GMPR: variants seen among roughly 807,000 people sequenced by gnomAD.
The protein encoded by GMPR is guanosine monophosphate reductase.
In GMPR, 31 loss-of-function variants were observed where a neutral mutation model predicts 38.4. The ratio of observed to expected loss-of-function variants is 0.81; its 90% confidence interval spans 0.61 to 1.09. GMPR has a LOEUF of 1.09. Among genes scored for constraint, GMPR ranks in the 50% least tolerant of loss-of-function variants. The probability of loss-of-function intolerance (pLI) is 0.00; values close to 1 mark genes in which losing one functional copy is unlikely to be tolerated. For missense variants in GMPR, 468 were observed against 453.7 expected, an observed-to-expected ratio of 1.03 and a Z score of -0.29; for synonymous variants, 162 against 173.3, an observed-to-expected ratio of 0.93 and a Z score of 0.51.
At chr6:16,246,820 T>C in intron 1 of GMPR, 22 bp from the exon 2 acceptor site, 3 of 1,606,252 alleles carry the variant, frequency 1.9e-6, no homozygotes, top group Non-Finnish European at 2.5e-6. Context: ...TCCCTTTTTC[T>C]TTCTTTTTTT....
intron 4 of GMPR, among the ~76,000 whole-genome samples, chr6:16,266,959 C>T (rs527742718): frequency 2.8e-4 from 42 of 151,938 alleles, no homozygotes; most frequent in African/African-American, 9.4e-4. Flanking sequence ...CTCCTGAAGT[C>T]GGCGTAGACC....
chr6:16,288,714 G>A (rs756791651), intron 7 of GMPR, among the ~76,000 whole-genome samples: 5 of 152,228 alleles, frequency 3.3e-5, no homozygotes, highest in Admixed American at 2.6e-4. Flanking sequence ...AGCCAGCTGG[G>A]CTCCTCAGTC....
intron 2 of GMPR, 102 bp from the exon 3 acceptor site, chr6:16,250,182 A>T (rs1191563951): frequency 2.7e-6 from 2 of 747,570 alleles, no homozygotes; most frequent in Non-Finnish European, 5.0e-6. Flanking sequence ...GGATGGCAGG[A>T]ACACTGATGC....
At chr6:16,266,679 C>T (rs182657527) in intron 4 of GMPR, among the ~76,000 whole-genome samples, 45 of 151,532 alleles carry the variant, frequency 3.0e-4, no homozygotes, top group Admixed American at 6.6e-4. Flanking sequence ...GGCGCAGTGG[C>T]GGGCGCCTGT....
At chr6:16,242,150 G>C (rs1758661308) in intron 1 of GMPR, among the ~76,000 whole-genome samples, 1 of 152,184 alleles carries the variant, frequency 6.6e-6, no homozygotes, top group South Asian at 2.1e-4. Flanking sequence ...GGACAGAGAA[G>C]ACACAACAGA....
intron 5 of GMPR, among the ~76,000 whole-genome samples, chr6:16,275,270 G>T (rs1759453379): frequency 6.6e-6 from 1 of 152,148 alleles, no homozygotes; most frequent in Admixed American, 6.5e-5. Context: ...AAACAGCAAA[G>T]ATTTTTCAAA....
chr6:16,268,866 A>G, intron 4 of GMPR, among the ~76,000 whole-genome samples: 1 of 151,886 alleles, frequency 6.6e-6, no homozygotes, highest in South Asian at 2.1e-4. Context: ...TTTACTAACA[A>G]ATTTTATATT....
chr6:16,262,475 G>A (rs932462030), intron 4 of GMPR: 8 of 152,150 alleles, frequency 5.3e-5, no homozygotes, highest in African/African-American at 1.4e-4. Context: ...TGGGGGAGGA[G>A]GTTCTGGAGG....
At chr6:16,239,252 C>T (rs1758597328) in intron 1 of GMPR, among the ~76,000 whole-genome samples, 1 of 152,280 alleles carries the variant, frequency 6.6e-6, no homozygotes, top group East Asian at 1.9e-4. Context: ...TCTGAAAAAC[C>T]AGAACCCAGG....
At chr6:16,293,010 GTC>G (rs1759867788) in intron 8 of GMPR, among the ~76,000 whole-genome samples, 1 of 148,806 alleles carries the variant, frequency 6.7e-6, no homozygotes. Flanking sequence ...TCTTACCTCT[GTC>G]TGAGTCTCTC....
In GMPR at chr6:16,246,885, C is replaced by T; in HGVS notation, c.131C>T (p.Thr44Ile). 1 of 1,613,286 alleles carries T rather than the reference C, an allele frequency of 6.2e-7. No homozygotes were observed. Among genetic ancestry groups the T allele is most frequent in the Non-Finnish European group, 8.5e-7 (1 of 1,179,340 alleles). ...TTCACGTTTCGAAATTCAAAGCAGA[C>T]CTACTCAGGGATTCCCATCATCGTG... ...RTFTFRNSKQ[T>I]YSGIPIIVAN... is the part of the protein sequence containing the mutation. Residue 44 changes from threonine (T) to isoleucine (I), a missense_variant, in exon 2 of 9, where the codon ACC (threonine) becomes ATC (isoleucine). Thr to Ile is a moderately conservative substitution (Grantham distance 89, BLOSUM62 -1). Coordinates refer to ENST00000259727, the MANE Select transcript of GMPR (RefSeq NM_006877.4).
At chr6:16,240,871 C>T (rs1355001820) in intron 1 of GMPR, among the ~76,000 whole-genome samples, 1 of 152,100 alleles carries the variant, frequency 6.6e-6, no homozygotes, top group Non-Finnish European at 1.5e-5. Context: ...CCTGGAGACT[C>T]AGGTTAACCA....
chr6:16,262,102 G>A (rs957927222), intron 4 of GMPR: 1 of 151,872 alleles, frequency 6.6e-6, no homozygotes, highest in African/African-American at 2.4e-5. Flanking sequence ...ATGGAGGCAA[G>A]GGAAACAGGC....
At chr6:16,259,899 C>G (rs1759048153) in intron 4 of GMPR, among the ~76,000 whole-genome samples, 1 of 152,100 alleles carries the variant, frequency 6.6e-6, no homozygotes, top group African/African-American at 2.4e-5. Flanking sequence ...CTTGGAGAAA[C>G]AGTGTAAACC....
At chr6:16,266,158 CCATCTTTAAGAGCTGTAACACTT>C (rs1174597778) in intron 4 of GMPR, among the ~76,000 whole-genome samples, 40 of 123,882 alleles carry the variant, frequency 3.2e-4, no homozygotes, top group African/African-American at 1.7e-3. Flanking sequence ...GTAACACTTG[CCATCTTTAAGAGCTGTAACACTT>C]GCCATCTTTA....
At chr6:16,266,130 TTGCCATCTTTAAGAGCTGTAAC>T (rs1561826934) in intron 4 of GMPR, among the ~76,000 whole-genome samples, 4 of 46,864 alleles carry the variant, frequency 8.5e-5, no homozygotes, top group African/African-American at 3.0e-4. Context: ...GCTGTAACAC[TTGCCATCTTTAAGAGCTGTAAC>T]ACTTGCCATC....
At chr6:16,259,457 TAAAAC>T (rs1419856053) in intron 4 of GMPR, 3 of 151,776 alleles carry the variant, frequency 2.0e-5, no homozygotes, top group South Asian at 2.1e-4. Flanking sequence ...ATAAGAAAAA[TAAAAC>T]AAAATAGTGG....
At chr6:16,294,740 G>T (rs943752489) in intron 8 of GMPR, among the ~76,000 whole-genome samples, 3 of 152,220 alleles carry the variant, frequency 2.0e-5, no homozygotes, top group Non-Finnish European at 4.4e-5. Flanking sequence ...TCCTTCAAGC[G>T]CTGCTCACCA....
chr6:16,272,635 A>G (rs1205568158), intron 4 of GMPR, among the ~76,000 whole-genome samples: 1 of 152,036 alleles, frequency 6.6e-6, no homozygotes, highest in African/African-American at 2.4e-5. Flanking sequence ...AGCCACTTTT[A>G]TTTCTTTCAA....
Sources: gnomAD v4.1 joint callset for allele counts (sites outside exome capture counted in the v4.1 genomes callset) on GRCh38, gnomAD v4.1.1 for gene constraint, MANE v1.5 for transcripts, NCBI Gene and HGNC (gene_info 2026-07-23, HGNC 2026-07-21) for gene names.